KANK1: variants seen among roughly 807,000 people sequenced by gnomAD.
KANK1 encodes KN motif and ankyrin repeat domain-containing protein 1.
A neutral mutation model predicts 106.2 loss-of-function variants in KANK1; 109 were observed. The ratio of observed to expected loss-of-function variants is 1.03; its 90% CI spans 0.88 to 1.20. The LOEUF (loss-of-function observed/expected upper bound fraction) is 1.20. Among genes scored for constraint, KANK1 ranks in the 50% most tolerant of loss-of-function variants. The pLI is 0.00. For synonymous variants in KANK1, 873 were observed against 652.2 expected, an observed-to-expected ratio of 1.34 and a Z score of -5.16; for missense variants, 2,399 against 1,710.7, an observed-to-expected ratio of 1.40 and a Z score of -7.10.
Position 710,946 on chromosome 9 carries a change from A to C in KANK1, c.180A>C (p.Arg60Ser), listed in dbSNP as rs760020716. The change falls in exon 3 of 12, where the codon AGA (arginine) becomes AGC (serine). Residue 60 changes from arginine (R) to serine (S), a missense_variant. Coordinates refer to ENST00000382297, the MANE Select transcript of KANK1 (RefSeq NM_015158.5). ...DDIQKGNTIK[R>S]LNIQKRRKPS... ...TACAGAAGGGAAATACCATCAAAAGACTGAACATCCAGAAGAGGCGGAAGC... is the reference window on the plus strand; with the variant it reads ...TACAGAAGGGAAATACCATCAAAAGCCTGAACATCCAGAAGAGGCGGAAGC... 9 of 1,614,176 alleles carry C rather than the reference A, an allele frequency of 5.6e-6. No individual in the cohort carries two copies. The highest frequency in any genetic ancestry group is 4.2e-6 in the Non-Finnish European group (5 of 1,180,028).
chr9:505,186 C>T (rs369313940), intron 1 of KANK1, among the ~76,000 whole-genome samples: 2 of 152,128 alleles, frequency 1.3e-5, no homozygotes, highest in East Asian at 3.9e-4. Context: ...CGGGGCGGAA[C>T]GGGGGACCCT....
chr9:585,958 G>A (rs1468966645), intron 1 of KANK1, among the ~76,000 whole-genome samples: 1 of 152,234 alleles, frequency 6.6e-6, no homozygotes, highest in East Asian at 1.9e-4. Flanking sequence ...CACTAGGGAT[G>A]TAGATGTAAG....
intron 1 of KANK1, among the ~76,000 whole-genome samples, chr9:540,200 T>C (rs2060522000): frequency 6.6e-6 from 1 of 152,216 alleles, no homozygotes. Flanking sequence ...TATGTCGAGG[T>C]CCATTCTTTA....
chr9:665,670 G>C (rs1021049914), intron 1 of KANK1, among the ~76,000 whole-genome samples: 1 of 152,126 alleles, frequency 6.6e-6, no homozygotes, highest in African/African-American at 2.4e-5. Context: ...TAAAATTTAG[G>C]ATTGTCTGCT....
At chr9:723,427 A>G (rs1024954336) in intron 3 of KANK1, among the ~76,000 whole-genome samples, 1 of 152,298 alleles carries the variant, frequency 6.6e-6, no homozygotes, top group Non-Finnish European at 1.5e-5. Flanking sequence ...AGGCGTATAC[A>G]TCTACCAAAT....
intron 1 of KANK1, among the ~76,000 whole-genome samples, chr9:656,467 A>G (rs1842167624): frequency 6.6e-6 from 1 of 152,058 alleles, no homozygotes; most frequent in Admixed American, 6.5e-5. Flanking sequence ...CCTCATGCTG[A>G]CCAGGGGACA....
intron 3 of KANK1, among the ~76,000 whole-genome samples, chr9:477,508 T>C (rs977531110): frequency 6.6e-6 from 1 of 152,194 alleles, no homozygotes; most frequent in African/African-American, 2.4e-5. Context: ...GAGGTGTCCC[T>C]ACTGCACAGA....
intron 1 of KANK1, among the ~76,000 whole-genome samples, chr9:608,443 T>A (rs894972064): frequency 3.9e-5 from 6 of 151,932 alleles, no homozygotes; most frequent in Admixed American, 1.3e-4. Context: ...AATCATTTTT[T>A]AAAAATTCTT....
chr9:562,734 C>T (rs1404557081), intron 1 of KANK1, among the ~76,000 whole-genome samples: 2 of 152,112 alleles, frequency 1.3e-5, no homozygotes, highest in Non-Finnish European at 2.9e-5. Context: ...GTTAGACAAC[C>T]GATGCTAGTG....
chr9:626,311 C>T (rs139701160), intron 1 of KANK1, among the ~76,000 whole-genome samples: 3 of 151,938 alleles, frequency 2.0e-5, no homozygotes, highest in African/African-American at 4.8e-5. Context: ...AAAAGTTAGC[C>T]AGGCGTGGTG....
intron 1 of KANK1, among the ~76,000 whole-genome samples, chr9:555,600 T>C (rs2061535928): frequency 6.6e-6 from 1 of 152,256 alleles, no homozygotes; most frequent in Non-Finnish European, 1.5e-5. Flanking sequence ...TTGCAGTGAC[T>C]GAGAATTAGC....
chr9:681,211 C>T (rs1262962642), intron 2 of KANK1, among the ~76,000 whole-genome samples: 4 of 151,974 alleles, frequency 2.6e-5, no homozygotes, highest in African/African-American at 9.7e-5. Context: ...AGAGCCAGAC[C>T]CTATCTCTAA....
intron 1 of KANK1, among the ~76,000 whole-genome samples, chr9:520,110 G>A (rs2059477350): frequency 1.3e-5 from 2 of 151,754 alleles, no homozygotes; most frequent in South Asian, 4.1e-4. Flanking sequence ...GGCTGAGGTG[G>A]ATAGATCGCT....
intron 1 of KANK1, among the ~76,000 whole-genome samples, chr9:548,084 A>G (rs1224867840): frequency 6.6e-6 from 1 of 152,178 alleles, no homozygotes; most frequent in Non-Finnish European, 1.5e-5. Flanking sequence ...ACTATTTCTC[A>G]TGTATTTCAT....
chr9:574,803 C>G (rs1341725153), intron 1 of KANK1, among the ~76,000 whole-genome samples: 1 of 146,704 alleles, frequency 6.8e-6, no homozygotes, highest in Non-Finnish European at 1.5e-5. Flanking sequence ...TGCAGTGAGC[C>G]GAGATTGCAC....
chr9:706,086 T>A (rs1373436292), intron 2 of KANK1, among the ~76,000 whole-genome samples: 2 of 152,012 alleles, frequency 1.3e-5, no homozygotes, highest in Non-Finnish European at 2.9e-5. Flanking sequence ...TGACACCGGG[T>A]AGTTTTATTG....
In KANK1 at chr9:514,955, A is replaced by T. The variant is rs2059212545; in HGVS notation, c.-84+10201A>T. On this transcript the variant is annotated intron_variant, in intron 1 of 11. Transcript: ENST00000382297. ...GTTGTCTTATTTTAGCTAATCTGGT[A>T]AACGTGTGTTATTGATTCCCTAGAT... is the stretch of plus-strand genomic sequence containing the variant. Among the ~76,000 whole-genome samples the T allele has an allele frequency of 3.3e-5, 5 of 151,846 alleles. No individual in the cohort carries two copies. The South Asian group carries it at 1.0e-3, about 31-fold the overall frequency.
intron 1 of KANK1, among the ~76,000 whole-genome samples, chr9:530,356 A>G (rs187026196): frequency 9.9e-5 from 15 of 152,232 alleles, no homozygotes; most frequent in Middle Eastern, 3.4e-3. Context: ...TGTAGTTTCA[A>G]TATTTTTATA....
intron 1 of KANK1, among the ~76,000 whole-genome samples, chr9:619,328 G>A (rs1832604168): frequency 6.6e-6 from 1 of 152,146 alleles, no homozygotes; most frequent in Admixed American, 6.5e-5. Context: ...GTAGAAGAGG[G>A]GGCAAGAGAA....
Sources: allele counts gnomAD v4.1 joint callset (sites outside exome capture counted in the v4.1 genomes callset), GRCh38; gene constraint gnomAD v4.1.1; transcripts MANE v1.5; gene names NCBI Gene and HGNC (gene_info 2026-07-23, HGNC 2026-07-21).